The following MERTK variants were observed in gnomAD, a reference collection of about 807,000 sequenced individuals.
The protein encoded by MERTK is tyrosine-protein kinase Mer.
Under a neutral mutation model 99.3 loss-of-function variants are expected in MERTK, and 69 were observed. The ratio of observed to expected loss-of-function variants is 0.70; its 90% CI spans 0.57 to 0.85. MERTK has a LOEUF of 0.85. Ranked by LOEUF, MERTK falls within the 40% of genes least tolerant of loss-of-function variation. The pLI is 0.00. For missense variants in MERTK, 1,125 were observed against 1,249.4 expected (o/e 0.90, Z 1.50); for synonymous variants, 426 against 467.6 (o/e 0.91, Z 1.15).
chr2:112,023,970 C>T (rs1040902052), intron 18 of MERTK, among the ~76,000 whole-genome samples: 4 of 152,106 alleles, frequency 2.6e-5, no homozygotes, highest in South Asian at 2.1e-4. Flanking sequence ...ACAGGCTTTC[C>T]GGGTCCCTTC....
At chr2:111,916,830 G>C (rs566101633) in intron 1 of MERTK, among the ~76,000 whole-genome samples, 139 of 152,254 alleles carry the variant, frequency 9.1e-4, no homozygotes, top group South Asian at 3.9e-3. Flanking sequence ...CCTCTGACTT[G>C]CTCTGGCTGG....
chr2:111,904,843 T>C (rs1054901549), intron 1 of MERTK, among the ~76,000 whole-genome samples: 3 of 152,172 alleles, frequency 2.0e-5, no homozygotes, highest in African/African-American at 7.2e-5. Context: ...CCAGGTGCAC[T>C]CCTGGCTTCT....
chr2:111,956,841 G>T (rs1418702393), intron 4 of MERTK, among the ~76,000 whole-genome samples: 1 of 151,936 alleles, frequency 6.6e-6, no homozygotes, highest in East Asian at 1.9e-4. Context: ...TGTAGGACGG[G>T]ATCTCACTAT....
chr2:112,027,750 C>T (rs1252251962), intron 18 of MERTK, among the ~76,000 whole-genome samples: 1 of 152,190 alleles, frequency 6.6e-6, no homozygotes, highest in Admixed American at 6.5e-5. Context: ...TGATACGCAG[C>T]ACACAACTAC....
chr2:111,925,302 T>A (rs1487000412), intron 1 of MERTK, among the ~76,000 whole-genome samples: 49 of 64,916 alleles, frequency 7.5e-4, no homozygotes, highest in African/African-American at 1.9e-3. Context: ...ATTTTTTTTT[T>A]TTTTTTTTTT....
rs1227309529 is a variant in MERTK at position 112,022,572 on chromosome 2, A to G, written c.2486+178A>G. ...CCAGGAGCCATTCCTGATGTGGGAG[A>G]TAGTGTGTGGTATCTCCAGTGAGCC... On this transcript the variant is annotated intron_variant, in intron 18 of 18. Transcript: ENST00000295408. 7.3e-6 allele frequency: 7 copies of G among 958,382 alleles called. 1 individual carries two copies. The South Asian group carries it at 9.0e-5, about 12-fold the overall frequency. The allele number at this position is 958,382 out of a possible 1,614,324, so 59.4% of individuals were successfully genotyped here.
chr2:111,958,510 T>C (rs1685188726), intron 4 of MERTK, among the ~76,000 whole-genome samples: 2 of 152,240 alleles, frequency 1.3e-5, no homozygotes, highest in Non-Finnish European at 1.5e-5. Flanking sequence ...TGGTTTGAAC[T>C]AGTTTCCTCT....
At chr2:111,977,182 A>G (rs1676270857) in intron 7 of MERTK, among the ~76,000 whole-genome samples, 1 of 152,184 alleles carries the variant, frequency 6.6e-6, no homozygotes, top group Non-Finnish European at 1.5e-5. Flanking sequence ...CTTTTTTAAA[A>G]ATCATTTCTT....
At chr2:111,903,417 T>A (rs565722229) in intron 1 of MERTK, among the ~76,000 whole-genome samples, 2 of 152,348 alleles carry the variant, frequency 1.3e-5, no homozygotes, top group South Asian at 4.1e-4. Context: ...CAGACAGATT[T>A]TTGGGCTGTA....
chr2:111,929,552 T>G lies in MERTK; in HGVS notation c.482+12T>G. 2 of 1,530,658 alleles carry G rather than the reference T, an allele frequency of 1.3e-6. No homozygotes were observed. The allele number at this position is 1,530,658 out of a possible 1,614,324, so 94.8% of individuals were successfully genotyped here. A position where few individuals can be genotyped will look rare whatever the true frequency, so the allele number is the denominator to read the frequency against. On this transcript the variant is annotated intron_variant, in intron 2 of 18. Coordinates refer to ENST00000295408, the MANE Select transcript of MERTK (RefSeq NM_006343.3). Reference sequence around the variant, plus strand: ...ATCGCTTCCTTCAGGTATGTGTTCTTTCTTCCTTTTTTATTTTTTTAGTTT... The same window carrying G: ...ATCGCTTCCTTCAGGTATGTGTTCTGTCTTCCTTTTTTATTTTTTTAGTTT...
At chr2:111,982,634 C>T (rs1015757626) in intron 7 of MERTK, among the ~76,000 whole-genome samples, 1 of 152,178 alleles carries the variant, frequency 6.6e-6, no homozygotes, top group Non-Finnish European at 1.5e-5. Flanking sequence ...TTCTAGGCTT[C>T]AGTAACCTAA....
At chr2:111,920,470 A>G (rs947126925) in intron 1 of MERTK, among the ~76,000 whole-genome samples, 1 of 151,894 alleles carries the variant, frequency 6.6e-6, no homozygotes, top group Non-Finnish European at 1.5e-5. Context: ...ACATTCTCCA[A>G]GTGGCCCAAG....
chr2:112,027,208 T>TAC (rs1677481764), intron 18 of MERTK, among the ~76,000 whole-genome samples: 1 of 151,490 alleles, frequency 6.6e-6, no homozygotes, highest in South Asian at 2.1e-4. Context: ...TTTATATATA[T>TAC]ACACATTTTC....
intron 1 of MERTK, among the ~76,000 whole-genome samples, chr2:111,925,290 ATATTTTTTT>A (rs1684537812): frequency 3.2e-5 from 1 of 31,508 alleles, no homozygotes; most frequent in East Asian, 9.2e-4. Context: ...ATATATATAT[ATATTTTTTT>A]TTTTTTTTTT....
At chr2:111,906,550 C>T (rs1684139554) in intron 1 of MERTK, among the ~76,000 whole-genome samples, 1 of 152,186 alleles carries the variant, frequency 6.6e-6, no homozygotes, top group African/African-American at 2.4e-5. Context: ...TTAGGGAATT[C>T]TCAGTGCGGT....
rs542122443 is a variant in MERTK at position 111,912,996 on chromosome 2, G to A, written c.61+14200G>A. On this transcript the variant is annotated intron_variant, in intron 1 of 18. Transcript: ENST00000295408. ...TCTATGAACTGGGGACAATTCCAGT[G>A]ATACACCCTTCACAGGATTAGAGAA... 5.7e-5 allele frequency: 56 copies of A among 981,560 alleles called. No individual in the cohort carries two copies. In the African/African-American group the frequency reaches 9.1e-4, roughly 16 times the overall value. 60.8% of individuals were successfully genotyped at this position (981,560 alleles called of 1,614,324 possible). A position where few individuals can be genotyped will look rare whatever the true frequency, so the allele number is the denominator to read the frequency against.
intron 2 of MERTK, chr2:111,940,794 G>T: frequency 9.6e-7 from 1 of 1,040,218 alleles, no homozygotes; most frequent in African/African-American, 1.5e-5. Flanking sequence ...CAAGAAGCCA[G>T]TCAATAGCTT....
Position 112,019,445 on chromosome 2 carries a change from G to C in MERTK, c.2112G>C (p.Met704Ile), listed in dbSNP as rs751349653. The part of the protein sequence containing the change: ...HIPLQTLLKF[M>I]VDIALGMEYL... ...CTCTGCAGACACTATTGAAGTTCAT[G>C]GTGGATATTGCCCTGGGAATGGAGT... is the stretch of plus-strand genomic sequence containing the variant. The change falls in exon 16 of 19, where the codon ATG becomes ATC. Residue 704 changes from methionine (M) to isoleucine (I), a missense_variant. Transcript: ENST00000295408. 6.2e-7 allele frequency: 1 copy of C among 1,613,450 alleles called. No individual in the cohort carries two copies. The highest frequency in any genetic ancestry group is 8.5e-7 in the Non-Finnish European group (1 of 1,179,504).
At position 111,994,295 on chromosome 2, in the gene MERTK, G is replaced by C. The variant is rs1048892158; in HGVS notation, c.1341G>C (p.Arg447=). Residue 447 remains arginine, a synonymous_variant, in exon 9 of 19, where the codon CGG becomes CGC. Coordinates refer to ENST00000295408, the MANE Select transcript of MERTK (RefSeq NM_006343.3). ...EEVGQNGSRA[R]ISVQVHNATC... The stretch of plus-strand genomic sequence containing the variant: ...TTGGCCAGAATGGCAGCCGAGCTCG[G>C]ATCTCTGTTCAAGTCCACAATGCTA... 1 of 1,614,154 alleles carries C rather than the reference G, an allele frequency of 6.2e-7. No individual in the cohort carries two copies. The highest frequency in any genetic ancestry group is 8.5e-7 in the Non-Finnish European group (1 of 1,180,046).
Sources: allele counts gnomAD v4.1 joint callset (sites outside exome capture counted in the v4.1 genomes callset), GRCh38; gene constraint gnomAD v4.1.1; transcripts MANE v1.5; gene names NCBI Gene and HGNC (gene_info 2026-07-23, HGNC 2026-07-21).